ZMYM4: variants seen among roughly 807,000 people sequenced by gnomAD.
ZMYM4 encodes the protein zinc finger MYM-type protein 4.
Under a neutral mutation model 183.2 loss-of-function variants are expected in ZMYM4, and 31 were observed. The ratio of observed to expected loss-of-function variants is 0.17; its 90% confidence interval spans 0.13 to 0.23. ZMYM4 has a LOEUF of 0.23. Among genes scored for constraint, ZMYM4 ranks in the 10% least tolerant of loss-of-function variants. The pLI, the probability that ZMYM4 is intolerant of heterozygous loss-of-function variation, is 1.00. For synonymous variants in ZMYM4, 592 were observed against 631.2 expected, an observed-to-expected ratio of 0.94 and a Z score of 0.93; for missense variants, 1,273 against 1,840.3, an observed-to-expected ratio of 0.69 and a Z score of 5.64.
At chr1:35,379,657 A>G (rs1570479400) in intron 7 of ZMYM4, among the ~76,000 whole-genome samples, 1 of 152,236 alleles carries the variant, frequency 6.6e-6, no homozygotes, top group South Asian at 2.1e-4. Flanking sequence ...AGCTTTCCAC[A>G]TGCCTTCCTC....
Position 35,398,898 on chromosome 1 carries a change from A to G in ZMYM4, c.3288A>G (p.Ser1096=). Residue 1096 remains serine, a synonymous_variant, in exon 22 of 30, where the codon TCA becomes TCG. Coordinates refer to ENST00000314607, the MANE Select transcript of ZMYM4 (RefSeq NM_005095.3). ...QGSTYSGDLE[S]EAVSTPHSWE... ...GTACATACAGTGGTGATCTTGAATC[A>G]GAGGCAGTATCTACTCCACATAGCT... 6.2e-7 allele frequency: 1 copy of G among 1,614,146 alleles called. No individual in the cohort carries two copies. Among genetic ancestry groups the G allele is most frequent in the African/African-American group, 1.3e-5 (1 of 75,060 alleles).
At chr1:35,275,324 C>T (rs1234810493) in intron 1 of ZMYM4, among the ~76,000 whole-genome samples, 1 of 152,060 alleles carries the variant, frequency 6.6e-6, no homozygotes, top group Non-Finnish European at 1.5e-5. Context: ...TCACTACAAC[C>T]TCCACCTCCT....
chr1:35,378,904 T>C (rs920568896), intron 7 of ZMYM4, among the ~76,000 whole-genome samples: 2 of 152,224 alleles, frequency 1.3e-5, no homozygotes, highest in East Asian at 3.8e-4. Context: ...ATAGCTTCTT[T>C]CGTTAAACCG....
intron 1 of ZMYM4, among the ~76,000 whole-genome samples, chr1:35,303,722 C>T (rs1641397676): frequency 6.6e-6 from 1 of 152,102 alleles, no homozygotes; most frequent in South Asian, 2.1e-4. Flanking sequence ...GATTTTTATG[C>T]TGTTCTTTAT....
chr1:35,365,841 A>C (rs1219321685), intron 5 of ZMYM4: 1 of 152,176 alleles, frequency 6.6e-6, no homozygotes, highest in Admixed American at 6.5e-5. Context: ...AATACTTGTA[A>C]AATTAGTGAT....
At chr1:35,336,009 A>G (rs1156928034) in intron 2 of ZMYM4, among the ~76,000 whole-genome samples, 1 of 152,208 alleles carries the variant, frequency 6.6e-6, no homozygotes, top group Non-Finnish European at 1.5e-5. Flanking sequence ...TGTTAAGTAT[A>G]TTCACATTGT....
intron 1 of ZMYM4, among the ~76,000 whole-genome samples, chr1:35,275,667 C>G (rs1303066722): frequency 1.3e-5 from 2 of 152,148 alleles, no homozygotes; most frequent in African/African-American, 4.8e-5. Flanking sequence ...CTTAAAAATT[C>G]TGATTATTTT....
At chr1:35,309,674 G>A (rs762272612) in intron 1 of ZMYM4, among the ~76,000 whole-genome samples, 4 of 151,818 alleles carry the variant, frequency 2.6e-5, no homozygotes, top group Non-Finnish European at 4.4e-5. Context: ...TTATATTTGC[G>A]ATCTCAAAAT....
At chr1:35,339,027 T>A (rs1412486698) in intron 2 of ZMYM4, among the ~76,000 whole-genome samples, 1 of 152,206 alleles carries the variant, frequency 6.6e-6, no homozygotes, top group African/African-American at 2.4e-5. Context: ...TTAGGAAAAA[T>A]TTCCTGGGCT....
At chr1:35,331,741 C>T (rs938759203) in intron 2 of ZMYM4, among the ~76,000 whole-genome samples, 1 of 151,382 alleles carries the variant, frequency 6.6e-6, no homozygotes, top group South Asian at 2.1e-4. Flanking sequence ...GAGCCAAGAT[C>T]GTGCCACCAT....
At chr1:35,316,154 A>T (rs566212637) in intron 1 of ZMYM4, among the ~76,000 whole-genome samples, 1 of 152,280 alleles carries the variant, frequency 6.6e-6, no homozygotes, top group African/African-American at 2.4e-5. Flanking sequence ...CAACTTTATT[A>T]TATATTAATT....
At chr1:35,354,379 T>C (rs970878147) in intron 2 of ZMYM4, among the ~76,000 whole-genome samples, 1 of 152,230 alleles carries the variant, frequency 6.6e-6, no homozygotes, top group Non-Finnish European at 1.5e-5. Context: ...GCTATAAATA[T>C]TCTTTTTCAT....
intron 1 of ZMYM4, among the ~76,000 whole-genome samples, chr1:35,304,055 C>T (rs1009283596): frequency 1.3e-5 from 2 of 150,360 alleles, no homozygotes; most frequent in Admixed American, 1.3e-4. Flanking sequence ...AACGGAGTTT[C>T]GCGCTGTCGC....
chr1:35,291,587 G>C (rs186603754), intron 1 of ZMYM4, among the ~76,000 whole-genome samples: 1 of 149,186 alleles, frequency 6.7e-6, no homozygotes, highest in African/African-American at 2.5e-5. Context: ...TTTGTCTCCA[G>C]ACATAGCTAC....
intron 1 of ZMYM4, among the ~76,000 whole-genome samples, chr1:35,314,540 C>G (rs1340182896): frequency 1.3e-5 from 2 of 151,766 alleles, no homozygotes; most frequent in Non-Finnish European, 2.9e-5. Flanking sequence ...CTGCCTCAGC[C>G]TCCCAAAGTG....
rs866349624 is a variant in ZMYM4, at chr1:35,389,770, T to A, written c.2437-178T>A. ...GCTCTGTCTCAAAAAAAAAAAAAAA[T>A]ATATATATATATGTGTGTGTGTGTG... On this transcript the variant is annotated intron_variant, in intron 14 of 29. Transcript: ENST00000314607. This position sits in a 1 kb window ranked among gnomAD's most constrained non-coding sequence, Gnocchi z 4.0. Among the ~76,000 whole-genome samples, 5,259 of 127,684 alleles carry A rather than the reference T, an allele frequency of 0.041. 135 individuals are homozygous for A. The highest frequency in any genetic ancestry group is 0.062 in the East Asian group (204 of 3,310). The allele number at this position is 127,684 out of a possible 152,430, so 83.8% of individuals were successfully genotyped here.
In ZMYM4 at chr1:35,359,112, T is replaced by A. The variant is rs373367805; in HGVS notation, c.273T>A (p.Asp91Glu). 6 of 1,613,712 alleles carry A rather than the reference T, an allele frequency of 3.7e-6. No individual in the cohort carries two copies. Among genetic ancestry groups the A allele is most frequent in the African/African-American group, 1.3e-5 (1 of 74,918 alleles). ...GIPVVGSDNE[D>E]EQDFSSKDNL... is the part of the protein sequence containing the mutation. ...CAGTCGTTGGTAGTGACAATGAGGA[T>A]GAACAGGATTTTAGTTCAAAGGACA... The change falls in exon 3 of 30, where the codon GAT becomes GAA. Residue 91 changes from aspartate to glutamate, a missense_variant. Around this residue, in one of 6 missense-constraint regions of ZMYM4, gnomAD observed 384 missense variants for 465.6 expected, o/e 0.82. Coordinates refer to ENST00000314607, the MANE Select transcript of ZMYM4 (RefSeq NM_005095.3).
intron 1 of ZMYM4, among the ~76,000 whole-genome samples, chr1:35,321,104 G>GA (rs1322549373): frequency 6.6e-6 from 1 of 152,232 alleles, no homozygotes; most frequent in Admixed American, 6.5e-5. Flanking sequence ...TCTACAAAAA[G>GA]AATGGGATAT....
chr1:35,304,641 T>A (rs1007633564), intron 1 of ZMYM4, among the ~76,000 whole-genome samples: 2 of 150,266 alleles, frequency 1.3e-5, no homozygotes, highest in Admixed American at 1.3e-4. Context: ...TTTTTGTATT[T>A]TTTTTTTTTT....
Sources: allele counts gnomAD v4.1 joint callset (sites outside exome capture counted in the v4.1 genomes callset), GRCh38; gene constraint gnomAD v4.1.1; regional missense constraint gnomAD v4.1.1; non-coding constraint Gnocchi (gnomAD v3.1); transcripts MANE v1.5; gene names NCBI Gene and HGNC (gene_info 2026-07-23, HGNC 2026-07-21).